ANO4: variants seen among roughly 807,000 people sequenced by gnomAD.
ANO4 encodes anoctamin-4.
ANO4 carries 69 observed loss-of-function variants against 141.9 expected under a neutral mutation model. The ratio of observed to expected loss-of-function variants is 0.49; its 90% CI spans 0.40 to 0.59. The LOEUF (loss-of-function observed/expected upper bound fraction) is 0.59. Among genes scored for constraint, ANO4 ranks in the 20% least tolerant of loss-of-function variants. The pLI, the probability that ANO4 is intolerant of heterozygous loss-of-function variation, is 0.00. For missense variants in ANO4, 894 were observed against 1,162.2 expected (o/e 0.77, Z 3.36); for synonymous variants, 350 against 394.3 (o/e 0.89, Z 1.33).
Position 101,083,629 on chromosome 12 carries a change from T to C in ANO4, c.1396-49T>C, listed in dbSNP as rs528963973. The C allele has an allele frequency of 1.2e-5, 19 of 1,555,526 alleles. No individual in the cohort carries two copies. The African/African-American group carries it at 2.4e-4, about 20-fold the overall frequency. ...GGTAAAATGATATTTCTTTTTTTAT[T>C]GTGTGAGCACCTCTTTAGTGCATTA... On this transcript the variant is annotated intron_variant, in intron 15 of 27. Transcript: ENST00000392977.
intron 3 of ANO4, among the ~76,000 whole-genome samples, chr12:100,754,140 C>G (rs2032508351): frequency 6.6e-6 from 1 of 152,244 alleles, no homozygotes; most frequent in Admixed American, 6.5e-5. Context: ...ACATGACTCT[C>G]TCTTTTAGAA....
intron 17 of ANO4, 38 bp from the exon 18 acceptor site, chr12:101,094,218 G>A: frequency 6.5e-7 from 1 of 1,546,286 alleles, no homozygotes; most frequent in Non-Finnish European, 8.9e-7. Context: ...TATAATACGT[G>A]CAGTTCATTT....
intron 1 of ANO4, among the ~76,000 whole-genome samples, chr12:100,871,771 T>C (rs1462933996): frequency 6.6e-6 from 1 of 152,174 alleles, no homozygotes; most frequent in Non-Finnish European, 1.5e-5. Flanking sequence ...ATGAGGGAGC[T>C]CTCTGGAGTC....
intron 3 of ANO4, among the ~76,000 whole-genome samples, chr12:100,740,423 A>C (rs1292629575): frequency 6.6e-6 from 1 of 152,112 alleles, no homozygotes; most frequent in Admixed American, 6.5e-5. Context: ...AGGAAGGTTG[A>C]ATGTGTATAG....
intron 14 of ANO4, among the ~76,000 whole-genome samples, chr12:101,063,250 T>C (rs557211870): frequency 6.6e-6 from 1 of 152,316 alleles, no homozygotes; most frequent in East Asian, 1.9e-4. Flanking sequence ...ATGAGCTGGG[T>C]ACTTCATTTG....
upstream of ANO4, among the ~76,000 whole-genome samples, chr12:100,792,615 G>T (rs1026688934): frequency 6.6e-6 from 1 of 152,134 alleles, no homozygotes; most frequent in African/African-American, 2.4e-5. Context: ...AATTAATGGC[G>T]TTTGAGTTAA....
At chr12:100,923,455 A>G (rs1382869859) in intron 3 of ANO4, among the ~76,000 whole-genome samples, 1 of 151,676 alleles carries the variant, frequency 6.6e-6, no homozygotes, top group African/African-American at 2.4e-5. Context: ...GCCCCTGCAA[A>G]GAACATGAAC....
At chr12:100,794,730 A>G (rs1024757234), upstream of ANO4, 1 of 152,040 alleles carries the variant, frequency 6.6e-6, no homozygotes. Context: ...GGGGAGGACC[A>G]GTCCTGGGCG....
rs1326669299 is a variant in ANO4, at chr12:100,845,934, G to T, written c.-141+50907G>T. 5.9e-5 allele frequency among the ~76,000 whole-genome samples: 9 copies of T among 152,164 alleles called. 1 individual carries two copies. Among genetic ancestry groups the T allele is most frequent in the Admixed American group, 2.0e-4 (3 of 15,282 alleles). ...TGACCCATGGAAGGAAAGAACCTAG[G>T]ACCTGGCTTTCAACCTAGGAACCAG... On this transcript the variant is annotated intron_variant, in intron 1 of 27. Coordinates refer to ENST00000392977, the MANE Select transcript of ANO4 (RefSeq NM_001286615.2).
chr12:100,777,942 C>T (rs1353179214), intron 3 of ANO4, among the ~76,000 whole-genome samples: 9 of 134,658 alleles, frequency 6.7e-5, no homozygotes, highest in South Asian at 4.6e-4. Context: ...TTTTTTGTGA[C>T]GGAGTCTGTC....
At chr12:101,038,415 G>A (rs34616878) in intron 10 of ANO4, 45,139 of 151,706 alleles carry the variant, frequency 0.3, 7,452 homozygotes, top group Non-Finnish European at 0.38. Flanking sequence ...GGGAGTGGGT[G>A]GGTGGGCATG....
intron 1 of ANO4, among the ~76,000 whole-genome samples, chr12:100,823,422 T>C (rs2036161527): frequency 6.6e-6 from 1 of 152,046 alleles, no homozygotes; most frequent in Non-Finnish European, 1.5e-5. Context: ...CTTTTTGTCA[T>C]TTAAATGCTA....
chr12:100,805,160 T>C (rs1021386488), intron 1 of ANO4, among the ~76,000 whole-genome samples: 1 of 152,234 alleles, frequency 6.6e-6, no homozygotes, highest in Non-Finnish European at 1.5e-5. Flanking sequence ...TTCTATTTTA[T>C]GCATATGGCT....
chr12:100,908,089 G>A (rs2040926938), intron 2 of ANO4, among the ~76,000 whole-genome samples: 2 of 152,218 alleles, frequency 1.3e-5, no homozygotes, highest in South Asian at 4.1e-4. Flanking sequence ...GATGAGTACG[G>A]TGGCTCACGC....
chr12:100,999,443 A>G (rs901402165), intron 8 of ANO4, among the ~76,000 whole-genome samples: 3 of 152,148 alleles, frequency 2.0e-5, no homozygotes. Context: ...TTGTGATTAT[A>G]TTGTACCTAT....
intron 24 of ANO4, among the ~76,000 whole-genome samples, chr12:101,112,984 A>G (rs764178582): frequency 6.6e-6 from 1 of 152,232 alleles, no homozygotes; most frequent in Non-Finnish European, 1.5e-5. Flanking sequence ...GCTTAGCCTG[A>G]AAAAGCTTAC....
rs2034473333 is a variant in ANO4, at chr12:100,798,431, T to C, written c.-141+3404T>C. ...CTAGCACCAGCTCTGGTAATCTACT[T>C]GGAAAGGAACTTGCAATTCAATTGG... On this transcript the variant is annotated intron_variant, in intron 1 of 27. Coordinates refer to ENST00000392977, the MANE Select transcript of ANO4 (RefSeq NM_001286615.2). 2.0e-5 allele frequency among the ~76,000 whole-genome samples: 3 copies of C among 152,180 alleles called. No individual in the cohort carries two copies. In the South Asian group the frequency reaches 6.2e-4, roughly 32 times the overall value.
chr12:100,774,707 AAGACAAACAAAAACG>A (rs1391555813), intron 3 of ANO4, among the ~76,000 whole-genome samples: 1 of 147,816 alleles, frequency 6.8e-6, no homozygotes, highest in Non-Finnish European at 1.5e-5. Flanking sequence ...TGCTTAGTCA[AAGACAAACAAAAACG>A]AGATGGCCAC....
At chr12:101,054,940 A>G (rs2048048914) in intron 14 of ANO4, among the ~76,000 whole-genome samples, 1 of 152,208 alleles carries the variant, frequency 6.6e-6, no homozygotes, top group African/African-American at 2.4e-5. Context: ...GTGTCTGGCT[A>G]CTTTCACTTC....
Sources: allele counts gnomAD v4.1 joint callset (sites outside exome capture counted in the v4.1 genomes callset), GRCh38; gene constraint gnomAD v4.1.1; transcripts MANE v1.5; gene names NCBI Gene and HGNC (gene_info 2026-07-23, HGNC 2026-07-21).